Variants in ZNF507 observed in about 807,000 individuals in gnomAD.
The protein encoded by ZNF507 is zinc finger protein 507.
ZNF507 carries 29 observed loss-of-function variants against 80.0 expected under a neutral mutation model. The ratio of observed to expected loss-of-function variants is 0.36; its 90% CI spans 0.27 to 0.49. The LOEUF (loss-of-function observed/expected upper bound fraction) is 0.49, where lower values mean the gene tolerates loss of function less well. Ranked by LOEUF, ZNF507 falls within the 20% of genes least tolerant of loss-of-function variation. The pLI is 0.98. For missense variants in ZNF507, 1,081 were observed against 1,152.2 expected (o/e 0.94, Z 0.90); for synonymous variants, 462 against 422.5 (o/e 1.09, Z -1.15).
chr19:32,373,192 A>G (rs758740239), intron 5 of ZNF507, among the ~76,000 whole-genome samples: 2 of 151,254 alleles, frequency 1.3e-5, no homozygotes, highest in Non-Finnish European at 2.9e-5. Flanking sequence ...CCCTTTGGGG[A>G]TTAAGTTTCC....
chr19:32,383,180 T>C lies in ZNF507; in HGVS notation c.*97T>C. On this transcript the variant is annotated 3_prime_UTR_variant, in exon 7 of 7. Transcript: ENST00000355898. The stretch of plus-strand genomic sequence containing the variant: ...AGACAACTTCCTGCCACAGAAGAAG[T>C]CGTTGATGTGATTTTTGAGGAAATG... The C allele has an allele frequency of 1.4e-6, 2 of 1,466,392 alleles. No homozygotes were observed. The highest frequency in any genetic ancestry group is 1.8e-6 in the Non-Finnish European group (2 of 1,094,542). 90.8% of individuals were successfully genotyped at this position (1,466,392 alleles called of 1,614,324 possible).
At chr19:32,358,578 C>G (rs971303504) in intron 4 of ZNF507, 1 of 152,212 alleles carries the variant, frequency 6.6e-6, no homozygotes, top group Non-Finnish European at 1.5e-5. Flanking sequence ...TCAGCAGATA[C>G]CGCAGGAGCT....
rs1481198825 is a variant in ZNF507, at chr19:32,355,086, T to C, written c.2127+129T>C. The stretch of plus-strand genomic sequence containing the variant: ...CTGGGTCCCAGAAAAGTTTGATAAG[T>C]TGCCCAAGGGGATCCCAACTTACCA... On this transcript the variant is annotated intron_variant, in intron 3 of 6. Transcript: ENST00000355898. 6 of 927,750 alleles carry C rather than the reference T, an allele frequency of 6.5e-6. No homozygotes were observed. In the Admixed American group the frequency reaches 1.9e-4, roughly 29 times the overall value. 57.5% of individuals were successfully genotyped at this position (927,750 alleles called of 1,614,324 possible).
chr19:32,353,704 G>A lies in ZNF507; in HGVS notation c.874G>A (p.Asp292Asn). The A allele has an allele frequency of 1.9e-6, 3 of 1,614,200 alleles. No individual in the cohort carries two copies. In the South Asian group the frequency reaches 3.3e-5, roughly 18 times the overall value. ...TGAAAATGAACCCCTAGGCCTGCTG[G>A]ATTCTTCAGCAGCTGCTGCGCCTGG... ...ENENEPLGLL[D>N]SSAAAAPGGV... The change falls in exon 3 of 7, where the codon GAT becomes AAT. Residue 292 changes from aspartate to asparagine, a missense_variant. Around this residue, in one of 6 missense-constraint regions of ZNF507, gnomAD observed 614 missense variants for 583.9 expected, o/e 1.05. Transcript: ENST00000355898.
rs1967672111 is a variant in ZNF507 at position 32,385,136 on chromosome 19, T to C, written c.*2053T>C. On this transcript the variant is annotated 3_prime_UTR_variant, in exon 7 of 7. Coordinates refer to ENST00000355898, the MANE Select transcript of ZNF507 (RefSeq NM_001136156.2). Reference sequence around the variant, plus strand: ...TCCTTGGCTTTAGTTTTATATCATATTTAGAAAATAATAATGAAAAGCATC... The same window carrying C: ...TCCTTGGCTTTAGTTTTATATCATACTTAGAAAATAATAATGAAAAGCATC... 1 of 152,174 alleles carries C rather than the reference T, an allele frequency of 6.6e-6. No homozygotes were observed. Among genetic ancestry groups the C allele is most frequent in the African/African-American group, 2.4e-5 (1 of 41,444 alleles). 9.4% of individuals were successfully genotyped at this position (152,174 alleles called of 1,614,324 possible).
chr19:32,384,880 A>C lies in ZNF507; in HGVS notation c.*1797A>C, dbSNP rs542929860. On this transcript the variant is annotated 3_prime_UTR_variant, in exon 7 of 7. Coordinates refer to ENST00000355898, the MANE Select transcript of ZNF507 (RefSeq NM_001136156.2). ...GGATTTATATATACTATATTCCTCA[A>C]ATCCACTGTATGTGGACTTATATTC... is the stretch of plus-strand genomic sequence containing the variant. 5.3e-5 allele frequency: 8 copies of C among 152,208 alleles called. No individual in the cohort carries two copies. In the South Asian group the frequency reaches 6.2e-4, roughly 12 times the overall value. The allele number at this position is 152,208 out of a possible 1,614,324, so 9.4% of individuals were successfully genotyped here.
At position 32,383,063 on chromosome 19, in the gene ZNF507, A is replaced by G; in HGVS notation, c.2842A>G (p.Thr948Ala). The G allele has an allele frequency of 6.2e-7, 1 of 1,612,066 alleles. No homozygotes were observed. The highest frequency in any genetic ancestry group is 8.5e-7 in the Non-Finnish European group (1 of 1,178,310). ...VNIILNKDHN[T>A]ALNTN ...CATCATCCTGAATAAGGACCACAAT[A>G]CAGCTCTAAACACAAATTAGGTGGA... is the stretch of plus-strand genomic sequence containing the variant. Residue 948 changes from threonine to alanine, a missense_variant, in exon 7 of 7, where the codon ACA becomes GCA. By Grantham distance (58) the Thr-to-Ala change is moderately conservative. Around this residue, in one of 6 missense-constraint regions of ZNF507, gnomAD observed 138 missense variants for 158.4 expected, o/e 0.87. Coordinates refer to ENST00000355898, the MANE Select transcript of ZNF507 (RefSeq NM_001136156.2).
Position 32,385,356 on chromosome 19 carries a change from T to C in ZNF507, c.*2273T>C, listed in dbSNP as rs1355178923. On this transcript the variant is annotated 3_prime_UTR_variant, in exon 7 of 7. Transcript: ENST00000355898. ...GCCTTAGAATTGTCCTTAAAAGCTTTCTCCTGGCCGATAGGAGGAAGCATA... is the reference window on the plus strand; with the variant it reads ...GCCTTAGAATTGTCCTTAAAAGCTTCCTCCTGGCCGATAGGAGGAAGCATA... 2.0e-5 allele frequency: 3 copies of C among 152,194 alleles called. No individual in the cohort carries two copies. Among genetic ancestry groups the C allele is most frequent in the Non-Finnish European group, 4.4e-5 (3 of 68,040 alleles). The allele number at this position is 152,194 out of a possible 1,614,324, so 9.4% of individuals were successfully genotyped here. A position where few individuals can be genotyped will look rare whatever the true frequency, so the allele number is the denominator to read the frequency against.
At chr19:32,376,139 T>C (rs1053642753) in intron 5 of ZNF507, among the ~76,000 whole-genome samples, 4 of 152,200 alleles carry the variant, frequency 2.6e-5, no homozygotes, top group African/African-American at 9.6e-5. Context: ...AAGTTTAAAT[T>C]ATAACAGTAG....
intron 5 of ZNF507, among the ~76,000 whole-genome samples, chr19:32,363,455 A>AC (rs1967356896): frequency 1.3e-5 from 2 of 151,812 alleles, no homozygotes; most frequent in South Asian, 4.2e-4. Flanking sequence ...TCCTTCAATG[A>AC]CCCCATCCTT....
Position 32,356,552 on chromosome 19 carries a change from A to G in ZNF507, c.2128-64A>G, listed in dbSNP as rs970874591. Reference sequence around the variant, plus strand: ...ATGAAAGCAATGAACCTGTTCTTCTACAGCCTCCTAAGAGTTGGACATGTA... The same window carrying G: ...ATGAAAGCAATGAACCTGTTCTTCTGCAGCCTCCTAAGAGTTGGACATGTA... On this transcript the variant is annotated intron_variant, in intron 3 of 6. Coordinates refer to ENST00000355898, the MANE Select transcript of ZNF507 (RefSeq NM_001136156.2). 4.7e-5 allele frequency: 55 copies of G among 1,175,036 alleles called. No individual in the cohort carries two copies. The East Asian group carries it at 1.2e-3, about 25-fold the overall frequency. The allele number at this position is 1,175,036 out of a possible 1,614,324, so 72.8% of individuals were successfully genotyped here.
intron 5 of ZNF507, among the ~76,000 whole-genome samples, chr19:32,373,761 C>A (rs554458532): frequency 6.6e-6 from 1 of 152,208 alleles, no homozygotes; most frequent in Non-Finnish European, 1.5e-5. Context: ...ACATGTATGT[C>A]TAATTTTGCT....
At chr19:32,373,365 G>A (rs747504759) in intron 5 of ZNF507, among the ~76,000 whole-genome samples, 1 of 152,102 alleles carries the variant, frequency 6.6e-6, no homozygotes, top group Non-Finnish European at 1.5e-5. Context: ...GGTGGGTCAC[G>A]TAAATTCAGA....
At chr19:32,352,073 A>G (rs1967176570) in intron 2 of ZNF507, among the ~76,000 whole-genome samples, 1 of 148,098 alleles carries the variant, frequency 6.8e-6, no homozygotes, top group Non-Finnish European at 1.5e-5. Context: ...CTTTCAGGGA[A>G]AAAAAAAAAA....
rs1454680134 is a variant in ZNF507, at chr19:32,385,296, G to A, written c.*2213G>A. On this transcript the variant is annotated 3_prime_UTR_variant, in exon 7 of 7. Transcript: ENST00000355898. ...ACCTCATGGGGAAAAAACTAACCCA[G>A]AAGTTCAAAGCCTTTAAAGTTTCAT... The A allele has an allele frequency of 6.6e-6, 1 of 151,966 alleles. No homozygotes were observed. Among genetic ancestry groups the A allele is most frequent in the Non-Finnish European group, 1.5e-5 (1 of 68,024 alleles). 9.4% of individuals were successfully genotyped at this position (151,966 alleles called of 1,614,324 possible).
intron 5 of ZNF507, among the ~76,000 whole-genome samples, chr19:32,378,801 A>G (rs79596862): frequency 0.012 from 1,798 of 152,282 alleles, 41 homozygotes; most frequent in African/African-American, 0.039. Context: ...TTCTTGTTGC[A>G]TAAGTCTGAC....
intron 5 of ZNF507, chr19:32,380,615 G>C (rs1375065994): frequency 1.3e-6 from 2 of 1,535,240 alleles, no homozygotes; most frequent in African/African-American, 2.7e-5. Flanking sequence ...GTAGGAAAGA[G>C]TTCAGGTAAG....
At chr19:32,380,290 A>G (rs893780719) in intron 5 of ZNF507, among the ~76,000 whole-genome samples, 1 of 152,178 alleles carries the variant, frequency 6.6e-6, no homozygotes, top group East Asian at 1.9e-4. Flanking sequence ...CAGGAGGCCA[A>G]GGCTGCAGTG....
In ZNF507 at chr19:32,354,307, C is replaced by G. The variant is rs747018400; in HGVS notation, c.1477C>G (p.His493Asp). 6.2e-7 allele frequency: 1 copy of G among 1,614,144 alleles called. No homozygotes were observed. Among genetic ancestry groups the G allele is most frequent in the Admixed American group, 1.7e-5 (1 of 60,020 alleles). The change falls in exon 3 of 7, where the codon CAC (histidine) becomes GAC (aspartate). Residue 493 changes from histidine to aspartate, a missense_variant. Coordinates refer to ENST00000355898, the MANE Select transcript of ZNF507 (RefSeq NM_001136156.2). ...GACAAATTCTGAGTCTCTTCGATTA[C>G]ACTCATTAGCTGCAGAAGCCCTTGT... ...RRTNSESLRL[H>D]SLAAEALVTM...
Sources: gnomAD v4.1 joint callset for allele counts (sites outside exome capture counted in the v4.1 genomes callset) on GRCh38, gnomAD v4.1.1 for gene constraint, gnomAD v4.1.1 regional missense constraint, MANE v1.5 for transcripts, NCBI Gene and HGNC (gene_info 2026-07-23, HGNC 2026-07-21) for gene names.